Variants in BANK1 observed in about 807,000 individuals in gnomAD.
BANK1 encodes B-cell scaffold protein with ankyrin repeats.
A neutral mutation model predicts 94.5 loss-of-function variants in BANK1; 95 were observed. The observed-to-expected ratio is 1.00, with a 90% CI of 0.85 to 1.19. BANK1 has a LOEUF of 1.19. BANK1 is among the 50% of genes most tolerant of loss of function. BANK1 has a pLI of 0.00. For missense variants in BANK1, 987 were observed against 932.2 expected (o/e 1.06, Z -0.77); for synonymous variants, 334 against 308.4 (o/e 1.08, Z -0.87).
chr4:101,862,795 A>G (rs1727929732), intron 4 of BANK1, 131 bp downstream of exon 4: 2 of 956,188 alleles, frequency 2.1e-6, no homozygotes, highest in Non-Finnish European at 2.9e-6. Flanking sequence ...TTTAGTTTTC[A>G]CATACCCAAG....
At chr4:101,838,673 T>C (rs1370999200) in intron 2 of BANK1, among the ~76,000 whole-genome samples, 5 of 152,240 alleles carry the variant, frequency 3.3e-5, no homozygotes, top group African/African-American at 9.6e-5. Context: ...GTTGGTATCC[T>C]GAAGTCTACC....
chr4:102,012,371 T>C lies in BANK1; in HGVS notation c.1207-9143T>C, dbSNP rs541842611. On this transcript the variant is annotated intron_variant, in intron 7 of 16. Transcript: ENST00000322953. ...TTCACATTTTCCGTTTTTAGGTCTT[T>C]TATGTTGTAAACACTTTGGTCAATA... Among the ~76,000 whole-genome samples the C allele has an allele frequency of 5.5e-4, 73 of 133,040 alleles. No homozygotes were observed. The South Asian group carries it at 0.019, about 34-fold the overall frequency. The allele number at this position is 133,040 out of a possible 152,430, so 87.3% of individuals were successfully genotyped here.
intron 10 of BANK1, among the ~76,000 whole-genome samples, chr4:102,037,602 G>C (rs1033434180): frequency 1.3e-5 from 2 of 152,166 alleles, no homozygotes; most frequent in African/African-American, 4.8e-5. Context: ...CAGCAGCATT[G>C]TGTAGTGAAA....
At chr4:101,857,270 G>GTAT (rs1727712517) in intron 3 of BANK1, among the ~76,000 whole-genome samples, 1 of 152,132 alleles carries the variant, frequency 6.6e-6, no homozygotes, top group Admixed American at 6.6e-5. Context: ...CTTAAGATGT[G>GTAT]CCTGATTCAT....
intron 4 of BANK1, among the ~76,000 whole-genome samples, chr4:101,868,537 C>T (rs962004685): frequency 6.6e-6 from 1 of 151,896 alleles, no homozygotes; most frequent in African/African-American, 2.4e-5. Flanking sequence ...TTGTGATATA[C>T]TTGCTTGGTT....
At position 101,988,530 on chromosome 4, in the gene BANK1, A is replaced by G. The variant is rs539591223; in HGVS notation, c.1207-32984A>G. Among the ~76,000 whole-genome samples the G allele has an allele frequency of 6.6e-5, 10 of 152,298 alleles. No homozygotes were observed. In the South Asian group the frequency reaches 2.1e-3, roughly 32 times the overall value. On this transcript the variant is annotated intron_variant, in intron 7 of 16. Coordinates refer to ENST00000322953, the MANE Select transcript of BANK1 (RefSeq NM_017935.5). ...ATGTGCCTCAACAAAGTATTTTTGA[A>G]AATATTTTAGTACAACTCTTCATTA...
At chr4:101,989,473 ACCAGAAAAG>A (rs895618744) in intron 7 of BANK1, among the ~76,000 whole-genome samples, 1 of 151,760 alleles carries the variant, frequency 6.6e-6, no homozygotes, top group African/African-American at 2.4e-5. Flanking sequence ...GAATTTAAAA[ACCAGAAAAG>A]CCAGAAAAGT....
chr4:101,925,940 C>T (rs568671665), intron 7 of BANK1, among the ~76,000 whole-genome samples: 2 of 151,670 alleles, frequency 1.3e-5, no homozygotes, highest in Admixed American at 6.6e-5. Context: ...CCATATCTGT[C>T]GAGCGTGGCC....
intron 7 of BANK1, among the ~76,000 whole-genome samples, chr4:101,930,945 A>T (rs1399716575): frequency 2.0e-5 from 3 of 151,596 alleles, no homozygotes; most frequent in African/African-American, 7.3e-5. Flanking sequence ...TTCAGATGGA[A>T]GTCTGGGTCC....
chr4:101,922,714 A>G (rs1036237248), intron 7 of BANK1, among the ~76,000 whole-genome samples: 1 of 151,856 alleles, frequency 6.6e-6, no homozygotes, highest in African/African-American at 2.4e-5. Context: ...AACTAGTATG[A>G]ATTTTGGAAT....
chr4:101,993,759 TTAAAA>T (rs1725785465), intron 7 of BANK1, among the ~76,000 whole-genome samples: 1 of 152,194 alleles, frequency 6.6e-6, no homozygotes, highest in Admixed American at 6.6e-5. Flanking sequence ...TTCTGCCAAA[TTAAAA>T]AGCTGGCACA....
chr4:101,906,320 A>G (rs1358607833), intron 6 of BANK1, among the ~76,000 whole-genome samples: 3 of 152,226 alleles, frequency 2.0e-5, no homozygotes, highest in Non-Finnish European at 4.4e-5. Flanking sequence ...GCTCAAATGT[A>G]GCTATAATAT....
chr4:101,922,009 CGTGTGTGTGTGTGTGTGT>C lies in BANK1; in HGVS notation c.1206+3850_1206+3867del, dbSNP rs68027862. ...TCTTTGTCCCTGTGGACACTGGGCC[CGTGTGTGTGTGTGTGTGT>C]GTGTGTGTGTGTGTGTGTGTGTGTG... is the stretch of plus-strand genomic sequence containing the variant. On this transcript the variant is annotated intron_variant, in intron 7 of 16. Transcript: ENST00000322953. 7.9e-4 allele frequency among the ~76,000 whole-genome samples: 102 copies of C among 129,450 alleles called. 1 individual carries two copies. The East Asian group carries it at 0.015, about 19-fold the overall frequency. 84.9% of individuals were successfully genotyped at this position (129,450 alleles called of 152,430 possible).
At chr4:101,814,005 A>G (rs1292112467) in intron 1 of BANK1, 1 of 598,510 alleles carries the variant, frequency 1.7e-6, no homozygotes, top group Non-Finnish European at 2.1e-6. Flanking sequence ...TATGATATAA[A>G]TTTTGAGATG....
chr4:101,862,270 T>C (rs1416332605), intron 3 of BANK1, among the ~76,000 whole-genome samples: 1 of 152,066 alleles, frequency 6.6e-6, no homozygotes, highest in East Asian at 1.9e-4. Context: ...GCTATATTCA[T>C]ACTGTTTCTT....
intron 7 of BANK1, among the ~76,000 whole-genome samples, chr4:101,995,481 A>G (rs937207330): frequency 2.6e-5 from 4 of 152,200 alleles, no homozygotes; most frequent in African/African-American, 9.7e-5. Context: ...TTGCTGGGTC[A>G]AATGGTATTT....
intron 1 of BANK1, among the ~76,000 whole-genome samples, chr4:101,819,332 C>G (rs1168583017): frequency 2.0e-5 from 3 of 152,076 alleles, no homozygotes; most frequent in Non-Finnish European, 4.4e-5. Context: ...TAGAAAACCC[C>G]TTTTTCAAAG....
At chr4:101,887,397 C>A (rs1372888906) in intron 5 of BANK1, among the ~76,000 whole-genome samples, 1 of 152,154 alleles carries the variant, frequency 6.6e-6, no homozygotes, top group African/African-American at 2.4e-5. Context: ...AGGGTCACAT[C>A]TCCTTATTGC....
chr4:101,959,338 C>A (rs1421887998), intron 7 of BANK1, among the ~76,000 whole-genome samples: 1 of 152,038 alleles, frequency 6.6e-6, no homozygotes, highest in African/African-American at 2.4e-5. Flanking sequence ...AGACATTTCA[C>A]CATATTGGCC....
Sources: gnomAD v4.1 joint callset for allele counts (sites outside exome capture counted in the v4.1 genomes callset) on GRCh38, gnomAD v4.1.1 for gene constraint, MANE v1.5 for transcripts, NCBI Gene and HGNC (gene_info 2026-07-23, HGNC 2026-07-21) for gene names.